KIAA1671: variants seen among roughly 807,000 people sequenced by gnomAD.
The protein encoded by KIAA1671 is uncharacterized protein KIAA1671.
KIAA1671 carries 52 observed loss-of-function variants against 131.2 expected under a neutral mutation model. The ratio of observed to expected loss-of-function variants is 0.40; its 90% CI spans 0.32 to 0.50. The LOEUF (loss-of-function observed/expected upper bound fraction) is 0.50. Among genes scored for constraint, KIAA1671 ranks in the 20% least tolerant of loss-of-function variants. The probability of loss-of-function intolerance (pLI) is 0.73; values close to 1 mark genes in which losing one functional copy is unlikely to be tolerated. For missense variants in KIAA1671, 2,360 were observed against 2,364.2 expected, an observed-to-expected ratio of 1.00 and a Z score of 0.04; for synonymous variants, 1,003 against 961.6, an observed-to-expected ratio of 1.04 and a Z score of -0.80.
chr22:25,129,021 A>C (rs1278172206), intron 6 of KIAA1671, among the ~76,000 whole-genome samples: 1 of 152,016 alleles, frequency 6.6e-6, no homozygotes, highest in Non-Finnish European at 1.5e-5. Flanking sequence ...AGGCAGCCGC[A>C]CTTAGTGCCA....
chr22:25,039,500 G>T lies in KIAA1671; in HGVS notation c.2370G>T (p.Ala790=). The part of the protein sequence containing the change: ...ADLECGLEGQ[A]GSVQRASLIW... ...TGGAGTGTGGTTTGGAAGGTCAGGC[G>T]GGGTCCGTCCAAAGGGCCAGTTTGA... The change falls in exon 5 of 13, where the codon GCG becomes GCT. Residue 790 remains alanine, a synonymous_variant. Transcript: ENST00000358431. The T allele has an allele frequency of 6.4e-7, 1 of 1,551,792 alleles. No individual in the cohort carries two copies. The highest frequency in any genetic ancestry group is 8.7e-7 in the Non-Finnish European group (1 of 1,147,004).
At chr22:25,000,895 C>T (rs189176328) in intron 1 of KIAA1671, among the ~76,000 whole-genome samples, 20 of 151,546 alleles carry the variant, frequency 1.3e-4, no homozygotes, top group Non-Finnish European at 2.9e-4. Context: ...AATTCTCCTG[C>T]CTCGGCATAC....
intron 1 of KIAA1671, among the ~76,000 whole-genome samples, chr22:24,964,435 TTTG>T (rs1922187125): frequency 6.6e-6 from 1 of 151,982 alleles, no homozygotes; most frequent in African/African-American, 2.4e-5. Context: ...TTTTTTTTTA[TTTG>T]TTATTTTTGG....
intron 1 of KIAA1671, among the ~76,000 whole-genome samples, chr22:24,970,590 A>C (rs1345828121): frequency 6.6e-6 from 1 of 152,122 alleles, no homozygotes; most frequent in African/African-American, 2.4e-5. Flanking sequence ...GCACATCGTC[A>C]GTGCCTCTTC....
chr22:25,041,418 G>T lies in KIAA1671; in HGVS notation c.4288G>T (p.Glu1430Ter). ...CCTGTCCATCATGCATGAAGCCAGA[G>T]AGAGGAGGCGAGAGCAGCCCAAAGG... ...EGLSIMHEAR[E>*]RRREQPKGRP... The change falls in exon 5 of 13, where the codon GAG becomes TAG. Residue 1430 changes from glutamate (E) to a stop codon, truncating the protein, a stop_gained. Coordinates refer to ENST00000358431, the MANE Select transcript of KIAA1671 (RefSeq NM_001145206.2). LOFTEE classifies it high-confidence loss of function. 6.4e-7 allele frequency: 1 copy of T among 1,551,816 alleles called. No homozygotes were observed. The highest frequency in any genetic ancestry group is 8.7e-7 in the Non-Finnish European group (1 of 1,147,022).
chr22:25,148,356 G>C (rs538298968), intron 6 of KIAA1671, among the ~76,000 whole-genome samples: 2 of 151,734 alleles, frequency 1.3e-5, no homozygotes, highest in South Asian at 4.2e-4. Context: ...CTCAGTCTTA[G>C]AGTGGGGATG....
intron 11 of KIAA1671, among the ~76,000 whole-genome samples, chr22:25,189,947 A>G (rs1377821454): frequency 2.6e-5 from 4 of 152,252 alleles, no homozygotes; most frequent in African/African-American, 9.6e-5. Flanking sequence ...TATCTCATAG[A>G]ACAGATATAT....
intron 6 of KIAA1671, among the ~76,000 whole-genome samples, chr22:25,088,130 C>T (rs1185297991): frequency 4.8e-4 from 71 of 147,088 alleles, no homozygotes; most frequent in East Asian, 9.9e-4. Flanking sequence ...TTTTTTGAGA[C>T]AGAGTCTCAC....
intron 1 of KIAA1671, among the ~76,000 whole-genome samples, chr22:24,955,867 T>C (rs775413295): frequency 6.6e-5 from 10 of 151,316 alleles, no homozygotes; most frequent in Non-Finnish European, 7.4e-5. Context: ...CTACTAAAAA[T>C]ACAAAAAAAT....
intron 1 of KIAA1671, among the ~76,000 whole-genome samples, chr22:25,020,755 A>G (rs1925620805): frequency 1.3e-5 from 2 of 152,228 alleles, no homozygotes; most frequent in Admixed American, 1.3e-4. Context: ...AGAGGCATGA[A>G]GGCGAGAAAG....
At chr22:24,986,186 G>A (rs1474362007) in intron 1 of KIAA1671, among the ~76,000 whole-genome samples, 1 of 152,172 alleles carries the variant, frequency 6.6e-6, no homozygotes, top group Non-Finnish European at 1.5e-5. Context: ...AGGGATGTCA[G>A]ATTCTGGTTT....
In KIAA1671 at chr22:25,028,135, C is replaced by T. The variant is rs1926053072; in HGVS notation, c.136C>T (p.Arg46Trp). Residue 46 changes from arginine (R) to tryptophan (W), a missense_variant, in exon 3 of 13, where the codon CGG (arginine) becomes TGG (tryptophan). By Grantham distance (101) the Arg-to-Trp change is moderately radical. Transcript: ENST00000358431. ...AGEASGAPPARILEAKSPLRS... is the reference protein window; with the variant it reads ...AGEASGAPPAWILEAKSPLRS... ...CGAAGCCTCTGGGGCTCCCCCAGCC[C>T]GGATCTTGGAAGCGAAGAGCCCCCT... The T allele has an allele frequency of 8.4e-6, 13 of 1,551,096 alleles. No individual in the cohort carries two copies. The highest frequency in any genetic ancestry group is 2.7e-5 in the African/African-American group (2 of 73,044).
At chr22:24,964,720 A>G (rs1202750807) in intron 1 of KIAA1671, among the ~76,000 whole-genome samples, 1 of 151,988 alleles carries the variant, frequency 6.6e-6, no homozygotes, top group Non-Finnish European at 1.5e-5. Context: ...ACCATGCCCT[A>G]CCCCTATACA....
chr22:24,962,980 C>T (rs1179027396), intron 1 of KIAA1671, among the ~76,000 whole-genome samples: 3 of 152,038 alleles, frequency 2.0e-5, no homozygotes, highest in African/African-American at 4.8e-5. Context: ...ATTCACATGG[C>T]GCCACTATGA....
At chr22:24,961,743 C>T (rs935916714) in intron 1 of KIAA1671, among the ~76,000 whole-genome samples, 13 of 152,362 alleles carry the variant, frequency 8.5e-5, no homozygotes, top group African/African-American at 3.1e-4. Flanking sequence ...GTCTACTCCT[C>T]TCATGGAGGC....
intron 11 of KIAA1671, among the ~76,000 whole-genome samples, chr22:25,187,031 G>C (rs572054249): frequency 2.6e-4 from 39 of 152,294 alleles, no homozygotes; most frequent in African/African-American, 9.4e-4. Context: ...TGCCCAGGGG[G>C]CCCTCTTCTT....
chr22:25,028,583 G>T lies in KIAA1671; in HGVS notation c.584G>T (p.Arg195Leu). The T allele has an allele frequency of 2.0e-6, 2 of 1,025,572 alleles. No individual in the cohort carries two copies. The highest frequency in any genetic ancestry group is 2.7e-5 in the South Asian group (2 of 74,260). 63.5% of individuals were successfully genotyped at this position (1,025,572 alleles called of 1,614,324 possible). A position where few individuals can be genotyped will look rare whatever the true frequency, so the allele number is the denominator to read the frequency against. The change falls in exon 3 of 13, where the codon CGG (arginine) becomes CTG (leucine). Residue 195 changes from arginine to leucine, a missense_variant. This residue lies in a region of KIAA1671 where 1,185 missense variants were observed against 1,126.2 expected (regional missense o/e 1.05). Transcript: ENST00000358431. ...CAGAAGCCTGCGGGGACCCTTCCCC[G>T]GTCAGCTCCCCTGTCTCAGGACACA... Reference protein sequence around the residue: ...PTQKPAGTLPRSAPLSQDTKP... With the variant: ...PTQKPAGTLPLSAPLSQDTKP...
At chr22:25,093,768 G>GTCTCTCTCTCTCTCTCTC (rs71191028) in intron 6 of KIAA1671, among the ~76,000 whole-genome samples, 1 of 60,708 alleles carries the variant, frequency 1.6e-5, no homozygotes, top group Non-Finnish European at 2.9e-5. Flanking sequence ...CTCTCTCTCT[G>GTCTCTCTCTCTCTCTCTC]TCTCTCTCTC....
intron 7 of KIAA1671, among the ~76,000 whole-genome samples, 177 bp from the exon 8 acceptor site, chr22:25,174,063 C>T (rs147649204): frequency 2.8e-4 from 42 of 152,314 alleles, no homozygotes; most frequent in African/African-American, 9.6e-4. Context: ...GACAGCACCT[C>T]GCTGGCACAT....
Sources: gnomAD v4.1 joint callset for allele counts (sites outside exome capture counted in the v4.1 genomes callset) on GRCh38, gnomAD v4.1.1 for gene constraint, gnomAD v4.1.1 regional missense constraint, MANE v1.5 for transcripts, NCBI Gene and HGNC (gene_info 2026-07-23, HGNC 2026-07-21) for gene names.